Variants in ARL15 observed in about 807,000 individuals in gnomAD.
ARL15 encodes ADP-ribosylation factor-like protein 15.
ARL15 carries 19 observed loss-of-function variants against 25.2 expected under a neutral mutation model. The ratio of observed to expected loss-of-function variants is 0.75; its 90% CI spans 0.53 to 1.10. ARL15 has a LOEUF of 1.10. ARL15 is among the 50% of genes least tolerant of loss of function. The pLI is 0.00. For missense variants in ARL15, 220 were observed against 246.0 expected (o/e 0.89, Z 0.71); for synonymous variants, 94 against 86.8 (o/e 1.08, Z -0.46).
intron 4 of ARL15, among the ~76,000 whole-genome samples, chr5:53,890,949 C>T (rs1744687445): frequency 6.6e-6 from 1 of 152,134 alleles, no homozygotes; most frequent in African/African-American, 2.4e-5. Context: ...TCATCCTTTC[C>T]TAGGTCCAGG....
intron 4 of ARL15, among the ~76,000 whole-genome samples, chr5:54,048,474 C>T (rs1238354376): frequency 1.3e-5 from 2 of 149,510 alleles, no homozygotes; most frequent in African/African-American, 4.9e-5. Flanking sequence ...ACGATCTCAG[C>T]TCACTGCAAC....
intron 4 of ARL15, among the ~76,000 whole-genome samples, chr5:54,045,693 C>A (rs1468486294): frequency 1.3e-5 from 2 of 151,418 alleles, no homozygotes; most frequent in African/African-American, 4.9e-5. Context: ...GCCAAGGTTG[C>A]AGGTTCAGAC....
chr5:53,920,952 G>A (rs1745838810), intron 4 of ARL15, among the ~76,000 whole-genome samples: 1 of 152,050 alleles, frequency 6.6e-6, no homozygotes, highest in Non-Finnish European at 1.5e-5. Context: ...CTTTTCATAA[G>A]TGGTTGAATA....
At chr5:54,094,175 C>T (rs1009975792) in intron 4 of ARL15, among the ~76,000 whole-genome samples, 2 of 152,152 alleles carry the variant, frequency 1.3e-5, no homozygotes, top group African/African-American at 4.8e-5. Context: ...TTGATACTCA[C>T]CAAATTTGTG....
At chr5:54,293,826 T>C (rs1758396305) in intron 1 of ARL15, among the ~76,000 whole-genome samples, 1 of 142,336 alleles carries the variant, frequency 7.0e-6, no homozygotes, top group Non-Finnish European at 1.5e-5. Context: ...CATCATATCA[T>C]CCTTTTTTTT....
At chr5:53,925,201 A>ATTT (rs70986650) in intron 4 of ARL15, among the ~76,000 whole-genome samples, 52 of 147,226 alleles carry the variant, frequency 3.5e-4, no homozygotes, top group Non-Finnish European at 4.1e-4. Context: ...TATTTTTATA[A>ATTT]TTTTTTTTTT....
rs1397933142 is a variant in ARL15, at chr5:54,121,008, AT to A, written c.254-7599del. Reference sequence around the variant, plus strand: ...CTGATAAAGATGCAAGAGGTTCTAGATTAAGACAAACTCACGGAAAAAGTTA... The same window carrying A: ...CTGATAAAGATGCAAGAGGTTCTAGATAAGACAAACTCACGGAAAAAGTTA... On this transcript the variant is annotated intron_variant, in intron 3 of 4. Transcript: ENST00000504924. Among the ~76,000 whole-genome samples, 3 of 152,298 alleles carry A rather than the reference AT, an allele frequency of 2.0e-5. No homozygotes were observed. In the East Asian group the frequency reaches 5.8e-4, roughly 29 times the overall value.
chr5:53,947,407 C>T (rs1039363892), intron 4 of ARL15, among the ~76,000 whole-genome samples: 1 of 152,086 alleles, frequency 6.6e-6, no homozygotes, highest in African/African-American at 2.4e-5. Flanking sequence ...ACACCTGAGG[C>T]TGACATTCTT....
Position 54,273,981 on chromosome 5 carries a change from G to A in ARL15, c.48+36451C>T, listed in dbSNP as rs3776652. ...TGAAAGGCTCTAGAGTTCAAAGGAG[G>A]CCGTTAGGTCTTTCTAAGCAAGGAA... On this transcript the variant is annotated intron_variant, in intron 1 of 4. Coordinates refer to ENST00000504924, the MANE Select transcript of ARL15 (RefSeq NM_019087.3). Among the ~76,000 whole-genome samples, 8 of 152,278 alleles carry A rather than the reference G, an allele frequency of 5.3e-5. No homozygotes were observed. In the East Asian group the frequency reaches 1.2e-3, roughly 22 times the overall value.
chr5:54,002,713 A>T (rs566418942), intron 4 of ARL15, among the ~76,000 whole-genome samples: 1 of 152,252 alleles, frequency 6.6e-6, no homozygotes, highest in African/African-American at 2.4e-5. Context: ...CTATTAAGTC[A>T]GGACACTGAT....
chr5:53,924,013 G>T (rs1206956984), intron 4 of ARL15, among the ~76,000 whole-genome samples: 1 of 152,252 alleles, frequency 6.6e-6, no homozygotes, highest in African/African-American at 2.4e-5. Context: ...TTAGAAAGCA[G>T]AACGTTGAAG....
At chr5:53,931,767 A>C (rs1035110741) in intron 4 of ARL15, among the ~76,000 whole-genome samples, 1 of 152,184 alleles carries the variant, frequency 6.6e-6, no homozygotes, top group African/African-American at 2.4e-5. Context: ...CAGACATTTC[A>C]TTTCTTCTTA....
At chr5:54,101,524 A>G (rs1364396048) in intron 4 of ARL15, among the ~76,000 whole-genome samples, 1 of 152,140 alleles carries the variant, frequency 6.6e-6, no homozygotes, top group Non-Finnish European at 1.5e-5. Context: ...CAACATTCAG[A>G]ATAATTAAAG....
intron 1 of ARL15, among the ~76,000 whole-genome samples, chr5:54,201,263 C>T (rs1486713696): frequency 6.6e-6 from 1 of 152,000 alleles, no homozygotes; most frequent in East Asian, 1.9e-4. Context: ...CACCAACTAC[C>T]CCACACGCTC....
chr5:54,073,040 GAGA>G (rs1751476767), intron 4 of ARL15, among the ~76,000 whole-genome samples: 1 of 152,138 alleles, frequency 6.6e-6, no homozygotes, highest in Non-Finnish European at 1.5e-5. Context: ...ATTACTTTTT[GAGA>G]AGTTGTTAAA....
At chr5:54,170,417 CTGA>C (rs1754682784) in intron 2 of ARL15, among the ~76,000 whole-genome samples, 1 of 152,098 alleles carries the variant, frequency 6.6e-6, no homozygotes, top group Non-Finnish European at 1.5e-5. Context: ...TTAAAATACT[CTGA>C]TGTCTCTGCA....
At chr5:54,187,446 T>C (rs572863731) in intron 1 of ARL15, among the ~76,000 whole-genome samples, 4 of 152,294 alleles carry the variant, frequency 2.6e-5, no homozygotes, top group Non-Finnish European at 5.9e-5. Context: ...GCAGAACTTA[T>C]CTAGTACTAC....
intron 4 of ARL15, among the ~76,000 whole-genome samples, chr5:53,987,919 G>A (rs533244987): frequency 3.3e-5 from 5 of 152,246 alleles, no homozygotes; most frequent in African/African-American, 1.2e-4. Context: ...TGGCTAATGC[G>A]GTGAAACCCC....
intron 1 of ARL15, among the ~76,000 whole-genome samples, chr5:54,188,792 T>C (rs1449603427): frequency 6.6e-6 from 1 of 152,138 alleles, no homozygotes; most frequent in East Asian, 1.9e-4. Context: ...GAATAAAAAA[T>C]TGACCTGAAA....
Sources: gnomAD v4.1 joint callset for allele counts (sites outside exome capture counted in the v4.1 genomes callset) on GRCh38, gnomAD v4.1.1 for gene constraint, MANE v1.5 for transcripts, NCBI Gene and HGNC (gene_info 2026-07-23, HGNC 2026-07-21) for gene names.